GLRA1: variants seen among roughly 807,000 people sequenced by gnomAD.
GLRA1 encodes the protein glycine receptor alpha 1.
In GLRA1, 37 loss-of-function variants were observed where a neutral mutation model predicts 48.3. That is an observed-to-expected ratio of 0.77 (90% CI 0.59 to 1.01). The LOEUF (loss-of-function observed/expected upper bound fraction) is 1.01, where lower values mean the gene tolerates loss of function less well. GLRA1 is among the 50% of genes least tolerant of loss of function. GLRA1 has a pLI of 0.00. For synonymous variants in GLRA1, 196 were observed against 210.7 expected (o/e 0.93, Z 0.60); for missense variants, 427 against 571.0 (o/e 0.75, Z 2.57).
chr5:151,899,257 A>G lies in GLRA1; in HGVS notation c.57-6819T>C, dbSNP rs143925512. ...GCTTAGGTGGCAAAATTGGACTGCT[A>G]TGGTGGCTCAGTGGTGGAAGGCAGT... is the stretch of plus-strand genomic sequence containing the variant. On this transcript the variant is annotated intron_variant, in intron 1 of 8. Transcript: ENST00000274576. 8.0e-3 allele frequency among the ~76,000 whole-genome samples: 1,219 copies of G among 152,330 alleles called. 19 individuals are homozygous for G. Among genetic ancestry groups the G allele is most frequent in the African/African-American group, 0.028 (1,146 of 41,570 alleles).
intron 8 of GLRA1, among the ~76,000 whole-genome samples, chr5:151,824,930 T>C (rs994058680): frequency 6.6e-6 from 1 of 152,222 alleles, no homozygotes; most frequent in African/African-American, 2.4e-5. Context: ...TTGTATATCT[T>C]CACCAGCTTT....
intron 3 of GLRA1, among the ~76,000 whole-genome samples, chr5:151,863,889 A>G (rs146412027): frequency 6.6e-6 from 1 of 152,252 alleles, no homozygotes; most frequent in African/African-American, 2.4e-5. Context: ...AAATGTTCCA[A>G]GATATTTTAT....
At chr5:151,920,201 C>T (rs1464681650) in intron 1 of GLRA1, among the ~76,000 whole-genome samples, 1 of 152,190 alleles carries the variant, frequency 6.6e-6, no homozygotes, top group East Asian at 1.9e-4. Context: ...GTATGGGCCC[C>T]TGCCTTTGAT....
At chr5:151,827,100 A>G (rs2113285919) in intron 8 of GLRA1, among the ~76,000 whole-genome samples, 1 of 147,508 alleles carries the variant, frequency 6.8e-6, no homozygotes, top group East Asian at 2.0e-4. Context: ...GGCTAAAGCA[A>G]TCCTCTCACC....
chr5:151,836,413 A>G (rs754280077), intron 7 of GLRA1, among the ~76,000 whole-genome samples: 26 of 152,238 alleles, frequency 1.7e-4, no homozygotes, highest in Non-Finnish European at 3.1e-4. Context: ...TGCTATCACC[A>G]TCAAGCTACC....
intron 1 of GLRA1, among the ~76,000 whole-genome samples, chr5:151,908,666 T>C (rs746920169): frequency 6.6e-6 from 1 of 151,302 alleles, no homozygotes; most frequent in Non-Finnish European, 1.5e-5. Flanking sequence ...GTTTTTTTTT[T>C]AAATTGTTCA....
At chr5:151,839,551 A>G (rs1010945663) in intron 7 of GLRA1, among the ~76,000 whole-genome samples, 2 of 152,124 alleles carry the variant, frequency 1.3e-5, no homozygotes, top group African/African-American at 4.8e-5. Context: ...TATGAACTGA[A>G]TATTTGTGTG....
intron 3 of GLRA1, among the ~76,000 whole-genome samples, chr5:151,884,164 C>T (rs1217439532): frequency 6.6e-6 from 1 of 152,170 alleles, no homozygotes; most frequent in Non-Finnish European, 1.5e-5. Flanking sequence ...TGCAGTGGCT[C>T]ACGTCTGTAA....
intron 7 of GLRA1, among the ~76,000 whole-genome samples, chr5:151,844,899 T>C (rs1752628172): frequency 6.6e-6 from 1 of 152,232 alleles, no homozygotes; most frequent in Middle Eastern, 3.4e-3. Flanking sequence ...GGTGAGGGCC[T>C]CAGGCTGCTT....
chr5:151,844,062 G>T (rs1752590946), intron 7 of GLRA1, among the ~76,000 whole-genome samples: 1 of 151,270 alleles, frequency 6.6e-6, no homozygotes, highest in Non-Finnish European at 1.5e-5. Context: ...CCCAGCTACT[G>T]GGGAGGCTGA....
At chr5:151,840,627 C>T (rs1438490067) in intron 7 of GLRA1, among the ~76,000 whole-genome samples, 1 of 151,454 alleles carries the variant, frequency 6.6e-6, no homozygotes. Context: ...AAAAGATACA[C>T]TTTAGATTCA....
At chr5:151,854,140 C>T (rs1752977240) in intron 6 of GLRA1, among the ~76,000 whole-genome samples, 1 of 152,196 alleles carries the variant, frequency 6.6e-6, no homozygotes, top group Non-Finnish European at 1.5e-5. Context: ...GGAGTCATTG[C>T]TTTCATGGCT....
chr5:151,870,878 A>G (rs1443125100), intron 3 of GLRA1, among the ~76,000 whole-genome samples: 1 of 149,892 alleles, frequency 6.7e-6, no homozygotes, highest in Non-Finnish European at 1.5e-5. Flanking sequence ...CCTGGTGGAC[A>G]TGGCATTCTT....
chr5:151,828,915 G>A lies in GLRA1; in HGVS notation c.1059+6C>T, dbSNP rs761495750. ...TCCCTCCTTAGGCAGTGACCCAAAG[G>A]CCTACCTTGTGATGTCTCCGCTTCC... On this transcript the variant is annotated splice_donor_region_variant and intron_variant, in intron 8 of 8. Transcript: ENST00000274576. The A allele has an allele frequency of 1.9e-6, 3 of 1,613,654 alleles. No individual in the cohort carries two copies. The highest frequency in any genetic ancestry group is 2.2e-5 in the South Asian group (2 of 91,044).
At chr5:151,829,920 G>C (rs1763382788) in intron 7 of GLRA1, among the ~76,000 whole-genome samples, 1 of 152,110 alleles carries the variant, frequency 6.6e-6, no homozygotes, top group African/African-American at 2.4e-5. Context: ...TTTTATGGCT[G>C]AATAATACCC....
At chr5:151,911,988 G>T (rs185173606) in intron 1 of GLRA1, among the ~76,000 whole-genome samples, 115 of 152,302 alleles carry the variant, frequency 7.6e-4, no homozygotes, top group Non-Finnish European at 1.4e-3. Flanking sequence ...GGAATGACCT[G>T]TAGTCTTTAC....
At chr5:151,833,715 G>A (rs563324248) in intron 7 of GLRA1, among the ~76,000 whole-genome samples, 43 of 147,700 alleles carry the variant, frequency 2.9e-4, no homozygotes, top group South Asian at 1.1e-3. Flanking sequence ...CACCTGCCTC[G>A]GCCTCCCAGC....
chr5:151,874,017 CTGG>C (rs1753561463), intron 3 of GLRA1, among the ~76,000 whole-genome samples: 1 of 152,112 alleles, frequency 6.6e-6, no homozygotes, highest in African/African-American at 2.4e-5. Context: ...GGAGAGCACC[CTGG>C]TGGTGAAGGG....
intron 3 of GLRA1, among the ~76,000 whole-genome samples, chr5:151,876,957 C>T (rs1260399673): frequency 6.6e-6 from 1 of 152,106 alleles, no homozygotes. Flanking sequence ...CTCTGTCTCT[C>T]TTTGCACAGA....
Sources: allele counts gnomAD v4.1 joint callset (sites outside exome capture counted in the v4.1 genomes callset), GRCh38; gene constraint gnomAD v4.1.1; transcripts MANE v1.5; gene names NCBI Gene and HGNC (gene_info 2026-07-23, HGNC 2026-07-21).